The following TRIM36 variants were observed in gnomAD, a reference collection of about 807,000 sequenced individuals.
TRIM36 encodes E3 ubiquitin-protein ligase TRIM36.
TRIM36 carries 42 observed loss-of-function variants against 72.4 expected under a neutral mutation model. The observed-to-expected ratio is 0.58, with a 90% CI of 0.45 to 0.75. The LOEUF is 0.75. Among genes scored for constraint, TRIM36 ranks in the 30% least tolerant of loss-of-function variants. The pLI, the probability that TRIM36 is intolerant of heterozygous loss-of-function variation, is 0.00. For synonymous variants in TRIM36, 315 were observed against 282.8 expected (o/e 1.11, Z -1.14); for missense variants, 913 against 857.1 (o/e 1.07, Z -0.81).
intron 4 of TRIM36, among the ~76,000 whole-genome samples, chr5:115,143,569 T>C (rs1467719608): frequency 6.6e-6 from 1 of 151,822 alleles, no homozygotes; most frequent in Non-Finnish European, 1.5e-5. Flanking sequence ...AATTATACAA[T>C]TATACCTGTA....
rs145256700 is a variant in TRIM36, at chr5:115,130,864, T to G, written c.1524A>C (p.Lys508Asn). 3.1e-6 allele frequency: 5 copies of G among 1,607,182 alleles called. No homozygotes were observed. Among genetic ancestry groups the G allele is most frequent in the Non-Finnish European group, 4.3e-6 (5 of 1,175,468 alleles). The change falls in exon 9 of 10, where the codon AAA becomes AAC. Residue 508 changes from lysine to asparagine, a missense_variant. Transcript: ENST00000513154. The part of the protein sequence containing the change: ...APVFSFLFDE[K>N]CGYNNEHLLL... ...GGAGGTGTTCATTATTATAGCCACATTTTTCATCAAAGAGGAAGCTGAAAA... is the reference window on the plus strand; with the variant it reads ...GGAGGTGTTCATTATTATAGCCACAGTTTTCATCAAAGAGGAAGCTGAAAA...
chr5:115,148,200 G>T, intron 2 of TRIM36: 2 of 380,230 alleles, frequency 5.3e-6, no homozygotes, highest in Non-Finnish European at 7.2e-6. Context: ...AACTCAGTAA[G>T]CCAAAAGTTA....
At chr5:115,153,823 C>A (rs996414540) in intron 2 of TRIM36, 2 of 152,212 alleles carry the variant, frequency 1.3e-5, no homozygotes, top group African/African-American at 4.8e-5. Context: ...TTCCTTGGAA[C>A]AAATGGACCT....
intron 9 of TRIM36, 69 bp from the exon 10 acceptor site, chr5:115,126,926 G>T (rs549020015): frequency 1.4e-6 from 2 of 1,403,858 alleles, no homozygotes; most frequent in South Asian, 1.4e-5. Context: ...ATTTTCACAG[G>T]ATAATATACA....
intron 1 of TRIM36, among the ~76,000 whole-genome samples, chr5:115,176,476 A>G (rs888479238): frequency 1.3e-5 from 2 of 151,408 alleles, no homozygotes; most frequent in African/African-American, 2.4e-5. Context: ...ATTAAATATA[A>G]GATTTACAAA....
intron 2 of TRIM36, among the ~76,000 whole-genome samples, chr5:115,154,049 C>T (rs970663205): frequency 1.3e-5 from 2 of 151,746 alleles, no homozygotes; most frequent in African/African-American, 4.8e-5. Flanking sequence ...CATGCAAATA[C>T]ATGGAAATTA....
intron 8 of TRIM36, among the ~76,000 whole-genome samples, chr5:115,132,182 C>CTCTG (rs1388659941): frequency 1.1e-5 from 1 of 87,502 alleles, no homozygotes; most frequent in African/African-American, 3.9e-5. Context: ...CTCTCTCTCT[C>CTCTG]TATGTGTGTG....
intron 6 of TRIM36, 45 bp from the exon 7 acceptor site, chr5:115,137,169 A>T: frequency 1.3e-6 from 2 of 1,530,194 alleles, no homozygotes; most frequent in Non-Finnish European, 1.8e-6. Flanking sequence ...TAAGAAGTCA[A>T]ATCAGACTAA....
At chr5:115,165,827 G>A (rs761148341) in intron 1 of TRIM36, among the ~76,000 whole-genome samples, 2 of 152,150 alleles carry the variant, frequency 1.3e-5, no homozygotes, top group Non-Finnish European at 2.9e-5. Flanking sequence ...ATGCTCAGAA[G>A]TGCCTGCTCC....
chr5:115,164,578 G>A (rs1027578931), intron 1 of TRIM36, among the ~76,000 whole-genome samples: 4 of 152,092 alleles, frequency 2.6e-5, no homozygotes, highest in Non-Finnish European at 4.4e-5. Context: ...ATGAGAATTC[G>A]CTATCACAAG....
upstream of TRIM36, chr5:115,171,118 C>T (rs1755097426): frequency 2.5e-6 from 4 of 1,614,076 alleles, no homozygotes; most frequent in Non-Finnish European, 3.4e-6. Flanking sequence ...TTTTAAAATG[C>T]TTCCCACTTT....
chr5:115,130,451 C>T (rs1752614763), intron 9 of TRIM36, 141 bp downstream of exon 9: 2 of 852,398 alleles, frequency 2.3e-6, no homozygotes, highest in East Asian at 5.4e-5. Flanking sequence ...GAATACCCGG[C>T]TCCTTTTCTC....
chr5:115,144,585 A>C lies in TRIM36; in HGVS notation c.735+13T>G. On this transcript the variant is annotated intron_variant, in intron 4 of 9. Transcript: ENST00000513154. ...ACGAAGAATCAAAATTCTGTTCCAA[A>C]AATAAGTCCTACCTTTAAGGTTTTG... The C allele has an allele frequency of 6.2e-7, 1 of 1,610,398 alleles. No homozygotes were observed. Among genetic ancestry groups the C allele is most frequent in the East Asian group, 2.2e-5 (1 of 44,848 alleles).
chr5:115,147,911 C>T (rs994904146), intron 2 of TRIM36, among the ~76,000 whole-genome samples: 3 of 152,138 alleles, frequency 2.0e-5, no homozygotes, highest in African/African-American at 7.2e-5. Context: ...CACCTATATA[C>T]ATATACATAT....
intron 7 of TRIM36, among the ~76,000 whole-genome samples, chr5:115,134,529 TA>T (rs1752862473): frequency 7.0e-6 from 1 of 142,272 alleles, no homozygotes; most frequent in Admixed American, 7.3e-5. Flanking sequence ...CTGGTAAGAA[TA>T]TCAAACTCTC....
intron 1 of TRIM36, among the ~76,000 whole-genome samples, chr5:115,165,459 C>T (rs976600292): frequency 3.9e-5 from 6 of 152,224 alleles, no homozygotes; most frequent in African/African-American, 1.4e-4. Flanking sequence ...GTAGGCCCAA[C>T]ACCATGTGTA....
intron 7 of TRIM36, among the ~76,000 whole-genome samples, chr5:115,136,138 C>G (rs1256049157): frequency 6.7e-6 from 1 of 150,050 alleles, no homozygotes; most frequent in Non-Finnish European, 1.5e-5. Flanking sequence ...ACTGGAAATT[C>G]ACATGTTGAA....
intron 2 of TRIM36, among the ~76,000 whole-genome samples, chr5:115,161,107 T>C (rs948978892): frequency 3.3e-5 from 5 of 152,132 alleles, no homozygotes; most frequent in Non-Finnish European, 7.3e-5. Flanking sequence ...TTTGTTAACT[T>C]GATCTGTGTG....
intron 2 of TRIM36, among the ~76,000 whole-genome samples, chr5:115,160,833 G>C (rs1453153282): frequency 1.6e-4 from 25 of 152,158 alleles, no homozygotes; most frequent in Admixed American, 1.6e-3. Context: ...GTAACAAACA[G>C]AGTGAGACCC....
Sources: allele counts gnomAD v4.1 joint callset (sites outside exome capture counted in the v4.1 genomes callset), GRCh38; gene constraint gnomAD v4.1.1; transcripts MANE v1.5; gene names NCBI Gene and HGNC (gene_info 2026-07-23, HGNC 2026-07-21).